AGPS: variants seen among roughly 807,000 people sequenced by gnomAD.
AGPS encodes alkyldihydroxyacetonephosphate synthase, peroxisomal.
In AGPS, 26 loss-of-function variants were observed where a neutral mutation model predicts 90.7. That is an observed-to-expected ratio of 0.29 (90% CI 0.21 to 0.40). The LOEUF (loss-of-function observed/expected upper bound fraction) is 0.40. Among genes scored for constraint, AGPS ranks in the 10% least tolerant of loss-of-function variants. The pLI, the probability that AGPS is intolerant of heterozygous loss-of-function variation, is 1.00. For missense variants in AGPS, 540 were observed against 816.1 expected (o/e 0.66, Z 4.12); for synonymous variants, 294 against 285.3 (o/e 1.03, Z -0.31).
At chr2:177,499,308 C>T (rs925861854) in intron 13 of AGPS, among the ~76,000 whole-genome samples, 21 of 151,672 alleles carry the variant, frequency 1.4e-4, no homozygotes, top group African/African-American at 4.8e-4. Flanking sequence ...TTATTTGATT[C>T]TTTATCATAG....
chr2:177,533,324 C>CAA (rs1443354043), intron 19 of AGPS, among the ~76,000 whole-genome samples: 1 of 152,130 alleles, frequency 6.6e-6, no homozygotes, highest in African/African-American at 2.4e-5. Flanking sequence ...ATAGGTTAAA[C>CAA]AGATTTGAGA....
At chr2:177,437,372 A>G (rs1212049903) in intron 5 of AGPS, among the ~76,000 whole-genome samples, 1 of 152,172 alleles carries the variant, frequency 6.6e-6, no homozygotes, top group Admixed American at 6.5e-5. Flanking sequence ...ACATTCAGAT[A>G]TATAGAATTA....
chr2:177,470,185 C>A (rs1410898252), intron 10 of AGPS, among the ~76,000 whole-genome samples: 1 of 152,108 alleles, frequency 6.6e-6, no homozygotes, highest in African/African-American at 2.4e-5. Context: ...GCTGGTTTTT[C>A]AGTATGACTG....
intron 3 of AGPS, among the ~76,000 whole-genome samples, chr2:177,434,818 G>T (rs1686348547): frequency 1.3e-5 from 2 of 151,632 alleles, no homozygotes; most frequent in African/African-American, 4.8e-5. Flanking sequence ...TGTAATCTAG[G>T]ATTAATAGAG....
chr2:177,398,386 A>G (rs567109119), intron 1 of AGPS, among the ~76,000 whole-genome samples: 44 of 152,210 alleles, frequency 2.9e-4, no homozygotes, highest in Non-Finnish European at 5.3e-4. Flanking sequence ...TGTCATTTAA[A>G]TCTCACACAA....
intron 13 of AGPS, among the ~76,000 whole-genome samples, chr2:177,498,207 G>A (rs1688463830): frequency 6.6e-6 from 1 of 151,580 alleles, no homozygotes; most frequent in African/African-American, 2.4e-5. Context: ...AATTTACCAG[G>A]GGGAAAACAG....
At chr2:177,444,532 T>C (rs1416764678) in intron 7 of AGPS, among the ~76,000 whole-genome samples, 1 of 152,170 alleles carries the variant, frequency 6.6e-6, no homozygotes, top group Non-Finnish European at 1.5e-5. Flanking sequence ...TACATCATCT[T>C]ATTTAATGTT....
chr2:177,537,531 GA>G (rs1382166314), intron 19 of AGPS, among the ~76,000 whole-genome samples: 1 of 152,048 alleles, frequency 6.6e-6, no homozygotes, highest in Non-Finnish European at 1.5e-5. Context: ...ACTGTGAAAA[GA>G]AAATGTAAAT....
intron 8 of AGPS, among the ~76,000 whole-genome samples, chr2:177,456,851 A>G (rs1323962378): frequency 6.6e-6 from 1 of 152,218 alleles, no homozygotes; most frequent in Non-Finnish European, 1.5e-5. Context: ...CCTAATAGAC[A>G]TCTACAGAAC....
intron 1 of AGPS, among the ~76,000 whole-genome samples, chr2:177,415,014 AGT>A (rs1386287335): frequency 6.6e-6 from 1 of 151,712 alleles, no homozygotes; most frequent in Non-Finnish European, 1.5e-5. Context: ...TGAAATATGC[AGT>A]GTTATTTAGT....
chr2:177,513,462 G>A (rs1174991832), intron 16 of AGPS, among the ~76,000 whole-genome samples: 1 of 152,072 alleles, frequency 6.6e-6, no homozygotes, highest in Non-Finnish European at 1.5e-5. Flanking sequence ...ACCTAGAATC[G>A]AATTTTCATT....
intron 10 of AGPS, among the ~76,000 whole-genome samples, chr2:177,480,103 C>T (rs1283061507): frequency 6.6e-6 from 1 of 152,040 alleles, no homozygotes; most frequent in East Asian, 1.9e-4. Context: ...TTACTTGAAC[C>T]CAGGAGGCAC....
intron 1 of AGPS, among the ~76,000 whole-genome samples, chr2:177,403,173 G>C (rs1028420788): frequency 6.6e-6 from 1 of 152,196 alleles, no homozygotes; most frequent in South Asian, 2.1e-4. Flanking sequence ...TGCCTACTGG[G>C]ACATGTAGGT....
At chr2:177,510,200 A>G (rs1198910188) in intron 16 of AGPS, among the ~76,000 whole-genome samples, 4 of 152,130 alleles carry the variant, frequency 2.6e-5, no homozygotes, top group African/African-American at 9.7e-5. Context: ...TGAGATCAGG[A>G]TGTTAACATG....
chr2:177,440,523 A>G (rs999941590), intron 5 of AGPS, among the ~76,000 whole-genome samples: 1 of 152,188 alleles, frequency 6.6e-6, no homozygotes, highest in African/African-American at 2.4e-5. Flanking sequence ...AAGATACTCT[A>G]AGGAAATGCC....
chr2:177,475,101 A>T (rs1475474224), intron 10 of AGPS, among the ~76,000 whole-genome samples: 1 of 152,222 alleles, frequency 6.6e-6, no homozygotes, highest in Admixed American at 6.5e-5. Flanking sequence ...AGAAGAGATG[A>T]TTCATGCCTT....
In AGPS at chr2:177,534,691, TCTC is replaced by T. The variant is rs1459968249; in HGVS notation, c.1856-3380_1856-3378del. Among the ~76,000 whole-genome samples, 7 of 151,810 alleles carry T rather than the reference TCTC, an allele frequency of 4.6e-5. No homozygotes were observed. The East Asian group carries it at 1.2e-3, about 25-fold the overall frequency. ...CAGCCTCAAACTTCTGAGCTCAAGT[TCTC>T]CTTCCGCCCAATCTCCTGAGTAGCT... On this transcript the variant is annotated intron_variant, in intron 19 of 19. Coordinates refer to ENST00000264167, the MANE Select transcript of AGPS (RefSeq NM_003659.4).
At chr2:177,495,616 C>T (rs1453619461) in intron 12 of AGPS, among the ~76,000 whole-genome samples, 7 of 151,932 alleles carry the variant, frequency 4.6e-5, no homozygotes, top group Admixed American at 2.0e-4. Flanking sequence ...TTTTAAAAAA[C>T]CACAATAGCA....
intron 1 of AGPS, among the ~76,000 whole-genome samples, chr2:177,414,136 C>T (rs1037772259): frequency 1.3e-5 from 2 of 151,996 alleles, no homozygotes; most frequent in African/African-American, 4.8e-5. Context: ...CTCATTTATT[C>T]ATGATAAATG....
Sources: allele counts gnomAD v4.1 joint callset (sites outside exome capture counted in the v4.1 genomes callset), GRCh38; gene constraint gnomAD v4.1.1; transcripts MANE v1.5; gene names NCBI Gene and HGNC (gene_info 2026-07-23, HGNC 2026-07-21).